The following MAML2 variants were observed in gnomAD, a reference collection of about 807,000 sequenced individuals.
The protein encoded by MAML2 is mastermind like transcriptional coactivator 2.
A neutral mutation model predicts 96.1 loss-of-function variants in MAML2; 22 were observed. The observed-to-expected ratio is 0.23, with a 90% confidence interval of 0.16 to 0.33. The LOEUF (loss-of-function observed/expected upper bound fraction) is 0.33. MAML2 is among the 10% of genes least tolerant of loss of function. The probability of loss-of-function intolerance (pLI) is 1.00; values close to 1 mark genes in which losing one functional copy is unlikely to be tolerated. For missense variants in MAML2, 1,367 were observed against 1,392.4 expected, an observed-to-expected ratio of 0.98 and a Z score of 0.29; for synonymous variants, 561 against 521.3, an observed-to-expected ratio of 1.08 and a Z score of -1.04.
chr11:96,234,099 A>C (rs79122749), intron 1 of MAML2, among the ~76,000 whole-genome samples: 1 of 152,356 alleles, frequency 6.6e-6, no homozygotes, highest in African/African-American at 2.4e-5. Context: ...TGCATATGGA[A>C]TAGCAGAACC....
chr11:96,310,037 G>A (rs1010531559), intron 1 of MAML2, among the ~76,000 whole-genome samples: 3 of 152,028 alleles, frequency 2.0e-5, no homozygotes, highest in African/African-American at 7.3e-5. Flanking sequence ...TTTCCAAAAT[G>A]TATATGATGA....
Position 95,995,566 on chromosome 11 carries a change from G to A in MAML2, c.2140-3843C>T, listed in dbSNP as rs1188361153. Among the ~76,000 whole-genome samples the A allele has an allele frequency of 5.3e-5, 8 of 152,224 alleles. No individual in the cohort carries two copies. In the South Asian group the frequency reaches 1.5e-3, roughly 28 times the overall value. The stretch of plus-strand genomic sequence containing the variant: ...ACAGTGCCAGGGACTTAGTAGAGAT[G>A]TTTGATACACTTTAACTATTATTAT... On this transcript the variant is annotated intron_variant, in intron 2 of 4. Transcript: ENST00000524717.
chr11:95,978,773 T>C lies in MAML2; in HGVS notation c.*175A>G. 1 of 625,844 alleles carries C rather than the reference T, an allele frequency of 1.6e-6. No individual in the cohort carries two copies. Among genetic ancestry groups the C allele is most frequent in the Non-Finnish European group, 2.7e-6 (1 of 374,148 alleles). The allele number at this position is 625,844 out of a possible 1,614,324, so 38.8% of individuals were successfully genotyped here. ...ATATTTTACTTTCAGGTGTAAGATT[T>C]AAAACAAGAATTTGGACCAAAATGT... On this transcript the variant is annotated 3_prime_UTR_variant, in exon 5 of 5. Transcript: ENST00000524717.
intron 2 of MAML2, among the ~76,000 whole-genome samples, chr11:96,090,826 C>T (rs1231213812): frequency 6.6e-6 from 1 of 152,160 alleles, no homozygotes; most frequent in Non-Finnish European, 1.5e-5. Context: ...TTGTGGCATT[C>T]TTTTCTGGGC....
intron 3 of MAML2, among the ~76,000 whole-genome samples, chr11:95,990,727 T>C (rs1565182578): frequency 6.6e-6 from 1 of 152,208 alleles, no homozygotes; most frequent in Non-Finnish European, 1.5e-5. Flanking sequence ...CAAAGCTCCT[T>C]GAATATAAAA....
chr11:96,073,321 C>CT (rs57220287), intron 2 of MAML2, among the ~76,000 whole-genome samples: 2 of 108,314 alleles, frequency 1.8e-5, no homozygotes, highest in South Asian at 3.2e-4. Context: ...CTTTTCTTTT[C>CT]TTTTTTTTTT....
chr11:96,016,946 A>T (rs1467155858), intron 2 of MAML2, among the ~76,000 whole-genome samples: 3 of 152,186 alleles, frequency 2.0e-5, no homozygotes, highest in African/African-American at 7.2e-5. Flanking sequence ...CTTTCTTTTG[A>T]TATATGGAAA....
intron 2 of MAML2, among the ~76,000 whole-genome samples, chr11:96,008,237 T>C (rs2135725248): frequency 6.5e-4 from 1 of 1,546 alleles, no homozygotes; most frequent in East Asian, 0.016. Flanking sequence ...GTAGGTTGGT[T>C]GTATCGGATT....
intron 1 of MAML2, among the ~76,000 whole-genome samples, chr11:96,288,864 C>T (rs1004600544): frequency 1.3e-5 from 2 of 152,206 alleles, no homozygotes; most frequent in African/African-American, 4.8e-5. Context: ...AGAATCACAT[C>T]TTTAAAGTCA....
Position 96,245,256 on chromosome 11 carries a change from A to T in MAML2, c.513+96127T>A, listed in dbSNP as rs541792837. On this transcript the variant is annotated intron_variant, in intron 1 of 4. Coordinates refer to ENST00000524717, the MANE Select transcript of MAML2 (RefSeq NM_032427.4). ...TTTTCCAAAACAAAACATGCTTAGCATGCACACTTTTACCACTTTTTTCGA... is the reference window on the plus strand; with the variant it reads ...TTTTCCAAAACAAAACATGCTTAGCTTGCACACTTTTACCACTTTTTTCGA... Among the ~76,000 whole-genome samples the T allele has an allele frequency of 2.1e-5, 3 of 145,782 alleles. No homozygotes were observed. In the South Asian group the frequency reaches 6.4e-4, roughly 31 times the overall value.
chr11:95,992,934 G>A (rs1857935401), intron 2 of MAML2, among the ~76,000 whole-genome samples: 1 of 151,596 alleles, frequency 6.6e-6, no homozygotes, highest in Admixed American at 6.6e-5. Context: ...AGGCTGGAGT[G>A]CAGTGGCATA....
chr11:96,047,302 C>A (rs1298079823), intron 2 of MAML2, among the ~76,000 whole-genome samples: 2 of 152,190 alleles, frequency 1.3e-5, no homozygotes. Flanking sequence ...TGTTGCTCAA[C>A]TAACTCACCT....
Position 96,305,648 on chromosome 11 carries a change from T to G in MAML2, c.513+35735A>C, listed in dbSNP as rs117232111. On this transcript the variant is annotated intron_variant, in intron 1 of 4. Transcript: ENST00000524717. ...ATCAATTCTCTGATTCCCAAATGTCTAGATATCTGTAAGTTACTATTCAAG... is the reference window on the plus strand; with the variant it reads ...ATCAATTCTCTGATTCCCAAATGTCGAGATATCTGTAAGTTACTATTCAAG... Among the ~76,000 whole-genome samples, 168 of 152,340 alleles carry G rather than the reference T, an allele frequency of 1.1e-3. 1 individual carries two copies. The East Asian group carries it at 0.03, about 27-fold the overall frequency.
intron 1 of MAML2, among the ~76,000 whole-genome samples, chr11:96,336,500 C>A (rs571433564): frequency 6.6e-6 from 1 of 152,106 alleles, no homozygotes; most frequent in Non-Finnish European, 1.5e-5. Flanking sequence ...TGGAGTGTGA[C>A]GGAAATTAGC....
chr11:96,164,036 GTT>G (rs58205345), intron 1 of MAML2, among the ~76,000 whole-genome samples: 4 of 148,260 alleles, frequency 2.7e-5, no homozygotes, highest in African/African-American at 9.9e-5. Flanking sequence ...ATTTTTTTTT[GTT>G]TTTTTTTGGT....
At chr11:96,069,268 CTCTCTTTCTTT>C (rs1390469806) in intron 2 of MAML2, among the ~76,000 whole-genome samples, 6 of 152,078 alleles carry the variant, frequency 3.9e-5, no homozygotes, top group Non-Finnish European at 7.4e-5. Context: ...TCCTCCCTTC[CTCTCTTTCTTT>C]TCTCTTTCTT....
chr11:96,189,254 T>A (rs1861618941), intron 1 of MAML2, among the ~76,000 whole-genome samples: 1 of 152,246 alleles, frequency 6.6e-6, no homozygotes, highest in African/African-American at 2.4e-5. Flanking sequence ...CAATAGGACC[T>A]AATCTGACTT....
intron 1 of MAML2, among the ~76,000 whole-genome samples, chr11:96,318,207 T>C (rs1244031231): frequency 6.6e-6 from 1 of 152,204 alleles, no homozygotes. Flanking sequence ...TTTAGGTCAT[T>C]TGTTGGTTAC....
At chr11:95,990,334 C>G (rs914270484) in intron 3 of MAML2, among the ~76,000 whole-genome samples, 1 of 151,978 alleles carries the variant, frequency 6.6e-6, no homozygotes, top group South Asian at 2.1e-4. Context: ...GCTTCTTATC[C>G]CATCTTTACC....
Sources: gnomAD v4.1 joint callset for allele counts (sites outside exome capture counted in the v4.1 genomes callset) on GRCh38, gnomAD v4.1.1 for gene constraint, MANE v1.5 for transcripts, NCBI Gene and HGNC (gene_info 2026-07-23, HGNC 2026-07-21) for gene names.